SLC33A2: variants seen among roughly 807,000 people sequenced by gnomAD.
SLC33A2 encodes solute carrier family 33 member 2.
At chr8:144,510,151 C>T in the SLC33A2 span, 6 of 1,296,090 alleles carry the variant, frequency 4.6e-6, no homozygotes, top group East Asian at 7.6e-5. Flanking sequence ...CCCTGACATC[C>T]GGGGCTCTGC....
chr8:144,509,733 C>T, the SLC33A2 span: 326 of 1,567,294 alleles, frequency 2.1e-4, 2 homozygotes, highest in Admixed American at 4.0e-4. Flanking sequence ...CGAACTGGGG[C>T]CGGGCAATAC....
the SLC33A2 span, chr8:144,510,079 C>A: frequency 6.5e-7 from 1 of 1,528,314 alleles, no homozygotes; most frequent in Non-Finnish European, 8.8e-7. Context: ...AGGTGTGTCC[C>A]CAGGGGCTTG....
At chr8:144,509,363 C>T in the SLC33A2 span, 3 of 1,491,870 alleles carry the variant, frequency 2.0e-6, no homozygotes, top group South Asian at 1.3e-5. Flanking sequence ...CGCTGGCCGG[C>T]CTCTACCTGG....
At chr8:144,510,174 TG>T in the SLC33A2 span, 4 of 1,266,890 alleles carry the variant, frequency 3.2e-6, no homozygotes, top group Non-Finnish European at 4.3e-6. Flanking sequence ...CTGGGCCTTG[TG>T]TCTTGTCCGC....
the SLC33A2 span, chr8:144,511,018 C>T: frequency 3.1e-6 from 5 of 1,602,654 alleles, no homozygotes; most frequent in Non-Finnish European, 4.2e-6. Flanking sequence ...TCTGGCCACG[C>T]TGGAGCTGCT....
At chr8:144,510,735 C>G in the SLC33A2 span, 1 of 1,600,116 alleles carries the variant, frequency 6.2e-7, no homozygotes, top group African/African-American at 1.3e-5. Context: ...GAGGGGCTGG[C>G]CTTGAGGAGG....
the SLC33A2 span, chr8:144,509,447 G>A: frequency 6.5e-7 from 1 of 1,533,750 alleles, no homozygotes; most frequent in Non-Finnish European, 8.7e-7. Context: ...TCTCGCTGAC[G>A]CGCGTGGGGC....
the SLC33A2 span, chr8:144,510,562 T>G: frequency 7.5e-6 from 12 of 1,606,346 alleles, no homozygotes; most frequent in African/African-American, 1.6e-4. Context: ...CTGCCCCCAA[T>G]CCACTATACT....
At chr8:144,509,591 G>A in the SLC33A2 span, 11 of 1,536,958 alleles carry the variant, frequency 7.2e-6, no homozygotes, top group Non-Finnish European at 9.6e-6. Context: ...TGCTTGCCGG[G>A]CTGCCCCCTC....
At chr8:144,511,058 G>C in the SLC33A2 span, 1 of 1,606,854 alleles carries the variant, frequency 6.2e-7, no homozygotes, top group Non-Finnish European at 8.5e-7. Context: ...ACTCTGGCCG[G>C]AGGCCTGGCT....
chr8:144,510,309 G>T, the SLC33A2 span: 50 of 1,603,112 alleles, frequency 3.1e-5, no homozygotes, highest in African/African-American at 5.1e-4. Flanking sequence ...GAGAAGGGAG[G>T]TGGGGGCAGA....
chr8:144,510,481 G>C, the SLC33A2 span: 1 of 1,612,748 alleles, frequency 6.2e-7, no homozygotes, highest in Non-Finnish European at 8.5e-7. Flanking sequence ...GCTCCTCCCT[G>C]GGTGGGACCT....
chr8:144,509,519 G>A, the SLC33A2 span: 4 of 1,528,008 alleles, frequency 2.6e-6, no homozygotes, highest in Non-Finnish European at 2.6e-6. Context: ...TGGTGGACGC[G>A]CAGGGCTCGG....
chr8:144,510,765 T>TG, the SLC33A2 span: 2 of 1,609,988 alleles, frequency 1.2e-6, no homozygotes, highest in South Asian at 2.2e-5. Context: ...GCCAGGAGCC[T>TG]GGGGCACTGC....
chr8:144,509,186 AC>A, the SLC33A2 span: 1 of 782,854 alleles, frequency 1.3e-6, no homozygotes, highest in Non-Finnish European at 1.9e-6. Context: ...ACGTGTCCAG[AC>A]CCTAGCCTGT....
At chr8:144,509,868 G>A in the SLC33A2 span, 1 of 1,540,634 alleles carries the variant, frequency 6.5e-7, no homozygotes, top group Middle Eastern at 1.7e-4. Context: ...GCTGGCCGCG[G>A]CCCTGGCCTG....
At chr8:144,510,882 G>A in the SLC33A2 span, 1 of 1,607,560 alleles carries the variant, frequency 6.2e-7, no homozygotes. Context: ...GCTGCAGCCA[G>A]CTGGCCCCCA....
chr8:144,510,320 T>C, the SLC33A2 span: 4 of 1,607,200 alleles, frequency 2.5e-6, no homozygotes, highest in East Asian at 2.2e-5. Context: ...TGGGGGCAGA[T>C]ATGGAACCTC....
At chr8:144,510,521 AGT>A in the SLC33A2 span, 1 of 1,612,002 alleles carries the variant, frequency 6.2e-7, no homozygotes, top group Non-Finnish European at 8.5e-7. Context: ...AGCCCTCCCC[AGT>A]GTACCCTGCC....
Sources: gnomAD v4.1 joint callset for allele counts on GRCh38, gnomAD v4.1.1 for gene constraint, MANE v1.5 for transcripts, NCBI Gene and HGNC (gene_info 2026-07-23, HGNC 2026-07-21) for gene names.